Variants in OLFML2A observed in about 807,000 individuals in gnomAD.
OLFML2A encodes olfactomedin-like protein 2A.
OLFML2A carries 47 observed loss-of-function variants against 60.9 expected under a neutral mutation model. The ratio of observed to expected loss-of-function variants is 0.77; its 90% CI spans 0.61 to 0.98. OLFML2A has a LOEUF of 0.98. Ranked by LOEUF, OLFML2A falls within the 50% of genes least tolerant of loss-of-function variation. The probability of loss-of-function intolerance (pLI) is 0.00; values close to 1 mark genes in which losing one functional copy is unlikely to be tolerated. For synonymous variants in OLFML2A, 372 were observed against 375.0 expected, an observed-to-expected ratio of 0.99 and a Z score of 0.09; for missense variants, 922 against 879.8, an observed-to-expected ratio of 1.05 and a Z score of -0.61.
intron 5 of OLFML2A, among the ~76,000 whole-genome samples, chr9:124,803,821 G>C (rs1434960198): frequency 1.3e-5 from 2 of 152,242 alleles, no homozygotes; most frequent in Non-Finnish European, 2.9e-5. Flanking sequence ...AGTCCAGCAT[G>C]GTGGGCTCCT....
chr9:124,810,444 C>A lies in OLFML2A; in HGVS notation c.*32C>A. 1 of 1,564,642 alleles carries A rather than the reference C, an allele frequency of 6.4e-7. No homozygotes were observed. Among genetic ancestry groups the A allele is most frequent in the East Asian group, 2.3e-5 (1 of 44,308 alleles). On this transcript the variant is annotated 3_prime_UTR_variant, in exon 8 of 8. Coordinates refer to ENST00000373580, the MANE Select transcript of OLFML2A (RefSeq NM_182487.4). ...ACCTGTGCTCCCCGGAGAGGGGCAGCAGTGCGGGAGGGGCTTTGCACAGCA... is the reference window on the plus strand; with the variant it reads ...ACCTGTGCTCCCCGGAGAGGGGCAGAAGTGCGGGAGGGGCTTTGCACAGCA...
Position 124,779,231 on chromosome 9 carries a change from G to A in OLFML2A, c.90+1871G>A, listed in dbSNP as rs1198220049. ...TGTGACCTTGGGCAAATCACTGCCT[G>A]TCTCTGGGCTTCAGTTTCTTCATCT... On this transcript the variant is annotated intron_variant, in intron 1 of 7. Coordinates refer to ENST00000373580, the MANE Select transcript of OLFML2A (RefSeq NM_182487.4). The surrounding 1 kb of genome is among the most constrained non-coding windows in gnomAD (Gnocchi z 4.1). 2.0e-5 allele frequency among the ~76,000 whole-genome samples: 3 copies of A among 152,184 alleles called. No homozygotes were observed. Among genetic ancestry groups the A allele is most frequent in the African/African-American group, 4.8e-5 (2 of 41,444 alleles).
At chr9:124,782,363 T>C (rs1841376722) in intron 1 of OLFML2A, among the ~76,000 whole-genome samples, 1 of 152,212 alleles carries the variant, frequency 6.6e-6, no homozygotes. Context: ...TGTGAGCAAA[T>C]GGCAGGAAGA....
chr9:124,784,943 G>GTTGTTTTTTTTTTTT (rs1841429446), intron 1 of OLFML2A, among the ~76,000 whole-genome samples: 12 of 69,542 alleles, frequency 1.7e-4, no homozygotes, highest in African/African-American at 6.5e-4. Context: ...CCTTTTACTT[G>GTTGTTTTTTTTTTTT]TTTTTTTTTT....
In OLFML2A at chr9:124,801,588, G is replaced by C. The variant is rs1328978065; in HGVS notation, c.844G>C (p.Ala282Pro). 1 of 1,613,876 alleles carries C rather than the reference G, an allele frequency of 6.2e-7. No homozygotes were observed. The highest frequency in any genetic ancestry group is 1.3e-5 in the African/African-American group (1 of 74,910). ...GCCCACAGCCAAGCCCCGCGCCCTG[G>C]CCCAGCAGCAGGCTGTGATCCGGGG... Reference protein sequence around the residue: ...LQPTAKPRALAQQQAVIRGFT... With the variant: ...LQPTAKPRALPQQQAVIRGFT... The change falls in exon 5 of 8, where the codon GCC becomes CCC. Residue 282 changes from alanine (A) to proline (P), a missense_variant. Physicochemically the swap from Ala to Pro is conservative, Grantham distance 27 (BLOSUM62 -1). Coordinates refer to ENST00000373580, the MANE Select transcript of OLFML2A (RefSeq NM_182487.4).
At chr9:124,795,963 G>A (rs571873161) in intron 3 of OLFML2A, among the ~76,000 whole-genome samples, 4 of 152,244 alleles carry the variant, frequency 2.6e-5, no homozygotes, top group Non-Finnish European at 5.9e-5. Flanking sequence ...AGAGTTGGGC[G>A]AGCATGGGGG....
intron 6 of OLFML2A, among the ~76,000 whole-genome samples, chr9:124,806,760 C>T (rs1841902685): frequency 2.0e-5 from 3 of 152,010 alleles, no homozygotes; most frequent in Non-Finnish European, 4.4e-5. Flanking sequence ...CAGGCACCCA[C>T]CACCGCACCC....
chr9:124,782,956 C>G (rs1167661787), intron 1 of OLFML2A, among the ~76,000 whole-genome samples: 1 of 151,994 alleles, frequency 6.6e-6, no homozygotes. Context: ...TCCAGCAGAG[C>G]TGGGAAGGGG....
At chr9:124,797,120 C>T (rs913450425) in intron 3 of OLFML2A, among the ~76,000 whole-genome samples, 1 of 152,194 alleles carries the variant, frequency 6.6e-6, no homozygotes, top group Non-Finnish European at 1.5e-5. Flanking sequence ...GCTGGGACTG[C>T]AGGTACACAC....
At chr9:124,781,973 C>T (rs1376784734) in intron 1 of OLFML2A, among the ~76,000 whole-genome samples, 2 of 152,194 alleles carry the variant, frequency 1.3e-5, no homozygotes, top group South Asian at 2.1e-4. Context: ...AAGCACAAAC[C>T]ACTCCTAGTT....
In OLFML2A at chr9:124,810,194, G is replaced by A. The variant is rs774372012; in HGVS notation, c.1741G>A (p.Val581Met). 1 of 1,613,850 alleles carries A rather than the reference G, an allele frequency of 6.2e-7. No homozygotes were observed. Among genetic ancestry groups the A allele is most frequent in the South Asian group, 1.1e-5 (1 of 91,082 alleles). Residue 581 changes from valine (V) to methionine (M), a missense_variant, in exon 8 of 8, where the codon GTG becomes ATG. Val to Met is a conservative substitution (Grantham distance 21, BLOSUM62 1). Coordinates refer to ENST00000373580, the MANE Select transcript of OLFML2A (RefSeq NM_182487.4). The stretch of plus-strand genomic sequence containing the variant: ...GAACTCCTACGGGAACTGCTTCCTG[G>A]TGTGCGGCATCCTGTATGCCGTGGA... ...RRNSYGNCFLVCGILYAVDTY... is the reference protein window; with the variant it reads ...RRNSYGNCFLMCGILYAVDTY...
intron 1 of OLFML2A, among the ~76,000 whole-genome samples, chr9:124,780,191 G>A (rs917939160): frequency 6.6e-6 from 1 of 152,232 alleles, no homozygotes; most frequent in African/African-American, 2.4e-5. Context: ...CACAGAGGTT[G>A]GAATGGACAG....
rs1225109725 is a variant in OLFML2A, at chr9:124,813,464, G to C, written c.*3052G>C. On this transcript the variant is annotated 3_prime_UTR_variant, in exon 8 of 8. Coordinates refer to ENST00000373580, the MANE Select transcript of OLFML2A (RefSeq NM_182487.4). ...TGAATGTCCTCATTTTACAGATGAG[G>C]ACATTGAGGAGAAGAGACTTACCCA... 1.3e-5 allele frequency: 2 copies of C among 152,216 alleles called. No individual in the cohort carries two copies. Among genetic ancestry groups the C allele is most frequent in the Admixed American group, 1.3e-4 (2 of 15,276 alleles). 9.4% of individuals were successfully genotyped at this position (152,216 alleles called of 1,614,324 possible).
chr9:124,806,278 AAG>A (rs1293501555), intron 6 of OLFML2A, among the ~76,000 whole-genome samples: 1 of 152,186 alleles, frequency 6.6e-6, no homozygotes, highest in African/African-American at 2.4e-5. Context: ...ATACTGCAGA[AAG>A]AATAATTTTT....
In OLFML2A at chr9:124,814,718, G is replaced by A. The variant is rs1410887321; in HGVS notation, c.*4306G>A. ...ACCCTTTTTTTTCCAATTGTGCTGA[G>A]TCTCCTACTAGACTCGCTTCATTCT... On this transcript the variant is annotated 3_prime_UTR_variant, in exon 8 of 8. Coordinates refer to ENST00000373580, the MANE Select transcript of OLFML2A (RefSeq NM_182487.4). 1 of 152,132 alleles carries A rather than the reference G, an allele frequency of 6.6e-6. No individual in the cohort carries two copies. Among genetic ancestry groups the A allele is most frequent in the East Asian group, 1.9e-4 (1 of 5,192 alleles). The allele number at this position is 152,132 out of a possible 1,614,324, so 9.4% of individuals were successfully genotyped here.
chr9:124,807,269 T>C (rs1035381457), intron 6 of OLFML2A, among the ~76,000 whole-genome samples: 10 of 149,352 alleles, frequency 6.7e-5, no homozygotes, highest in African/African-American at 2.0e-4. Flanking sequence ...AATATAACTT[T>C]GAAGATTTTT....
intron 4 of OLFML2A, chr9:124,800,798 T>C: frequency 3.0e-6 from 4 of 1,319,362 alleles, no homozygotes; most frequent in Non-Finnish European, 2.9e-6. Context: ...ACAGGCCCTG[T>C]GTTCTTGTGC....
intron 2 of OLFML2A, among the ~76,000 whole-genome samples, chr9:124,790,786 C>T (rs895927748): frequency 2.0e-5 from 3 of 152,056 alleles, no homozygotes. Flanking sequence ...TTGGCTCCCC[C>T]TCTCTCAGCA....
At chr9:124,806,552 A>C (rs1422261027) in intron 6 of OLFML2A, among the ~76,000 whole-genome samples, 1 of 149,810 alleles carries the variant, frequency 6.7e-6, no homozygotes, top group Non-Finnish European at 1.5e-5. Context: ...CCACTATTCT[A>C]CTCTCTGCTT....
Sources: allele counts gnomAD v4.1 joint callset (sites outside exome capture counted in the v4.1 genomes callset), GRCh38; gene constraint gnomAD v4.1.1; non-coding constraint Gnocchi (gnomAD v3.1); transcripts MANE v1.5; gene names NCBI Gene and HGNC (gene_info 2026-07-23, HGNC 2026-07-21).